Variants in SOX5 observed in about 807,000 individuals in gnomAD.
SOX5 encodes SRY-box transcription factor 5, also known as transcription factor SOX-5.
A neutral mutation model predicts 92.0 loss-of-function variants in SOX5; 9 were observed. That is an observed-to-expected ratio of 0.10 (90% CI 0.06 to 0.17). The LOEUF (loss-of-function observed/expected upper bound fraction) is 0.17, where lower values mean the gene tolerates loss of function less well. Ranked by LOEUF, SOX5 falls within the 10% of genes least tolerant of loss-of-function variation. The probability of loss-of-function intolerance (pLI) is 1.00; values close to 1 mark genes in which losing one functional copy is unlikely to be tolerated. For missense variants in SOX5, 642 were observed against 944.5 expected (o/e 0.68, Z 4.20); for synonymous variants, 344 against 336.3 (o/e 1.02, Z -0.25).
At chr12:24,313,036 A>C (rs951613666) in intron 2 of SOX5, among the ~76,000 whole-genome samples, 4 of 152,084 alleles carry the variant, frequency 2.6e-5, no homozygotes, top group Admixed American at 1.3e-4. Context: ...TCATACATAC[A>C]ATATGGTGCA....
At chr12:24,228,866 C>CCTTCCT (rs1962708173) in intron 3 of SOX5, among the ~76,000 whole-genome samples, 2 of 152,146 alleles carry the variant, frequency 1.3e-5, no homozygotes, top group East Asian at 3.9e-4. Context: ...TTTGGTGCCT[C>CCTTCCT]TCACCCCTGG....
At chr12:24,338,233 T>C (rs1179847945) in intron 2 of SOX5, among the ~76,000 whole-genome samples, 3 of 152,188 alleles carry the variant, frequency 2.0e-5, no homozygotes, top group African/African-American at 7.2e-5. Flanking sequence ...GTATTGGTCA[T>C]TTGCTTAGAT....
chr12:23,595,326 TA>T (rs1392241408), intron 9 of SOX5, among the ~76,000 whole-genome samples: 4 of 151,142 alleles, frequency 2.6e-5, no homozygotes, highest in South Asian at 4.2e-4. Flanking sequence ...AAGAACTTCT[TA>T]AAAAAAAATT....
intron 3 of SOX5, among the ~76,000 whole-genome samples, chr12:24,254,479 A>G (rs915095102): frequency 6.6e-6 from 1 of 151,648 alleles, no homozygotes; most frequent in Non-Finnish European, 1.5e-5. Flanking sequence ...CCAAACACCT[A>G]TATTAGCCTA....
At chr12:24,175,543 T>C (rs1307712159) in intron 4 of SOX5, among the ~76,000 whole-genome samples, 3 of 152,220 alleles carry the variant, frequency 2.0e-5, no homozygotes, top group Admixed American at 6.5e-5. Flanking sequence ...ATCCCTTGTA[T>C]CCTTAGGTTA....
intron 6 of SOX5, among the ~76,000 whole-genome samples, chr12:23,679,541 C>A (rs1024823091): frequency 6.6e-6 from 1 of 152,034 alleles, no homozygotes; most frequent in Non-Finnish European, 1.5e-5. Context: ...CAATAAAATG[C>A]TAATAAAAAT....
chr12:24,262,675 G>A (rs923303161), intron 3 of SOX5, among the ~76,000 whole-genome samples: 4 of 152,076 alleles, frequency 2.6e-5, no homozygotes, highest in African/African-American at 9.7e-5. Flanking sequence ...TTCACTGGAG[G>A]GACTGATGCA....
chr12:24,341,291 A>T (rs1952546435), intron 2 of SOX5, among the ~76,000 whole-genome samples: 1 of 152,078 alleles, frequency 6.6e-6, no homozygotes, highest in Non-Finnish European at 1.5e-5. Flanking sequence ...AGCCTGGGCA[A>T]CACAGGGAGA....
intron 3 of SOX5, among the ~76,000 whole-genome samples, chr12:23,834,417 T>C (rs2096380402): frequency 6.6e-6 from 1 of 151,942 alleles, no homozygotes; most frequent in Admixed American, 6.6e-5. Flanking sequence ...TTCCTCCATA[T>C]AATAACACGA....
chr12:24,459,099 C>T (rs1029992804), intron 1 of SOX5, among the ~76,000 whole-genome samples: 26 of 152,128 alleles, frequency 1.7e-4, no homozygotes, highest in Non-Finnish European at 7.4e-5. Context: ...GTTTCCGTTC[C>T]CCCTCTCCCT....
At chr12:23,884,626 T>A (rs900704715) in intron 2 of SOX5, among the ~76,000 whole-genome samples, 26 of 152,332 alleles carry the variant, frequency 1.7e-4, no homozygotes, top group African/African-American at 6.3e-4. Context: ...AAAATATTTT[T>A]AAAAAGATTT....
chr12:24,386,633 T>C (rs2136432191), intron 1 of SOX5, among the ~76,000 whole-genome samples: 1 of 152,286 alleles, frequency 6.6e-6, no homozygotes, highest in African/African-American at 2.4e-5. Flanking sequence ...ACTTGGGGAA[T>C]ACCTGTCAGA....
intron 4 of SOX5, among the ~76,000 whole-genome samples, chr12:24,149,365 G>T (rs1366198704): frequency 6.6e-6 from 1 of 151,932 alleles, no homozygotes; most frequent in African/African-American, 2.4e-5. Context: ...AATAAAAAAA[G>T]AAATAACCCA....
intron 1 of SOX5, among the ~76,000 whole-genome samples, chr12:24,514,148 C>T (rs960894563): frequency 2.0e-5 from 3 of 152,216 alleles, no homozygotes; most frequent in African/African-American, 7.2e-5. Context: ...CTTTCAATAG[C>T]ATCATCAAAT....
chr12:24,198,226 A>G (rs899373067), intron 4 of SOX5, among the ~76,000 whole-genome samples: 1 of 152,154 alleles, frequency 6.6e-6, no homozygotes, highest in Non-Finnish European at 1.5e-5. Flanking sequence ...ATGAGAACAG[A>G]AACAATTGTA....
intron 4 of SOX5, among the ~76,000 whole-genome samples, chr12:24,117,603 T>C (rs912810003): frequency 2.0e-5 from 3 of 152,118 alleles, no homozygotes; most frequent in African/African-American, 7.2e-5. Flanking sequence ...AAAGAAAATA[T>C]GGGATTATAC....
intron 8 of SOX5, among the ~76,000 whole-genome samples, chr12:23,619,054 C>T (rs1461973272): frequency 6.6e-6 from 1 of 152,126 alleles, no homozygotes; most frequent in Non-Finnish European, 1.5e-5. Flanking sequence ...GTTTTGGTTG[C>T]TGTTTTGTTT....
Position 23,853,110 on chromosome 12 carries a change from T to C in SOX5, c.271-6917A>G, listed in dbSNP as rs977670113. On this transcript the variant is annotated intron_variant, in intron 2 of 14. Transcript: ENST00000451604. ...AGAAGAGTCAGCACACATGCAAAAA[T>C]TATATATATATATACATATATATAT... Among the ~76,000 whole-genome samples, 7 of 147,616 alleles carry C rather than the reference T, an allele frequency of 4.7e-5. No homozygotes were observed. The Admixed American group carries it at 4.8e-4, about 10-fold the overall frequency.
chr12:23,978,006 C>A (rs1213591480), intron 4 of SOX5, among the ~76,000 whole-genome samples: 3 of 152,194 alleles, frequency 2.0e-5, no homozygotes, highest in Non-Finnish European at 4.4e-5. Flanking sequence ...AAGTTTGGGA[C>A]AGCTTGCACA....
Sources: gnomAD v4.1 joint callset for allele counts (sites outside exome capture counted in the v4.1 genomes callset) on GRCh38, gnomAD v4.1.1 for gene constraint, MANE v1.5 for transcripts, NCBI Gene and HGNC (gene_info 2026-07-23, HGNC 2026-07-21) for gene names.